Variants in SMARCA2 observed in about 807,000 individuals in gnomAD.
SMARCA2 encodes SWI/SNF related BAF chromatin remodeling complex subunit ATPase 2.
In SMARCA2, 61 loss-of-function variants were observed where a neutral mutation model predicts 199.8. That is an observed-to-expected ratio of 0.31 (90% CI 0.25 to 0.38). SMARCA2 has a LOEUF of 0.38. Among genes scored for constraint, SMARCA2 ranks in the 10% least tolerant of loss-of-function variants. The pLI, the probability that SMARCA2 is intolerant of heterozygous loss-of-function variation, is 1.00. For synonymous variants in SMARCA2, 935 were observed against 732.0 expected, an observed-to-expected ratio of 1.28 and a Z score of -4.48; for missense variants, 1,344 against 2,012.2, an observed-to-expected ratio of 0.67 and a Z score of 6.35.
chr9:2,083,451 CA>C, intron 16 of SMARCA2, 38 bp downstream of exon 16: 1 of 1,301,528 alleles, frequency 7.7e-7, no homozygotes, highest in Non-Finnish European at 1.1e-6. Flanking sequence ...TGTGGAAAAG[CA>C]AAAAATAGAC....
At chr9:2,179,353 TCCTTTTG>T (rs776617939) in intron 29 of SMARCA2, among the ~76,000 whole-genome samples, 1 of 152,214 alleles carries the variant, frequency 6.6e-6, no homozygotes, top group Non-Finnish European at 1.5e-5. Context: ...TTCCAGGTCC[TCCTTTTG>T]CCTTTGTCCT....
chr9:2,103,693 G>C (rs1239246388), intron 22 of SMARCA2, among the ~76,000 whole-genome samples: 2 of 150,614 alleles, frequency 1.3e-5, no homozygotes, highest in Non-Finnish European at 2.9e-5. Flanking sequence ...AGAGGGCGAG[G>C]AGAAAGAATA....
intron 33 of SMARCA2, 126 bp downstream of exon 33, chr9:2,191,534 G>A (rs1827885064): frequency 2.9e-6 from 3 of 1,046,538 alleles, no homozygotes; most frequent in Admixed American, 2.2e-5. Context: ...AGGATTTAGT[G>A]AGATTTCATT....
chr9:2,128,856 G>A (rs1436545387), intron 27 of SMARCA2, among the ~76,000 whole-genome samples: 1 of 152,106 alleles, frequency 6.6e-6, no homozygotes, highest in Non-Finnish European at 1.5e-5. Flanking sequence ...GGGGAGTATT[G>A]CATTTCAACC....
intron 5 of SMARCA2, among the ~76,000 whole-genome samples, chr9:2,053,875 A>G (rs1410984357): frequency 6.6e-6 from 1 of 152,224 alleles, no homozygotes; most frequent in East Asian, 1.9e-4. Flanking sequence ...GAAGAAGTAC[A>G]TGCAGTTATA....
At chr9:2,184,310 T>A (rs988249963) in intron 31 of SMARCA2, among the ~76,000 whole-genome samples, 4 of 152,084 alleles carry the variant, frequency 2.6e-5, no homozygotes, top group South Asian at 2.1e-4. Flanking sequence ...GTGTACCTTT[T>A]ACTTCTCAAG....
chr9:2,161,980 T>C lies in SMARCA2; in HGVS notation c.4199+77T>C. 8.4e-7 allele frequency: 1 copy of C among 1,185,856 alleles called. No homozygotes were observed. The highest frequency in any genetic ancestry group is 1.2e-6 in the Non-Finnish European group (1 of 822,502). 73.5% of individuals were successfully genotyped at this position (1,185,856 alleles called of 1,614,324 possible). A position where few individuals can be genotyped will look rare whatever the true frequency, so the allele number is the denominator to read the frequency against. The stretch of plus-strand genomic sequence containing the variant: ...GCGCTCCCTGAGGAGCAGGAGTTGT[T>C]AAGTTGTGCACTTAGGTTTTATTAA... On this transcript the variant is annotated intron_variant, in intron 28 of 33. Coordinates refer to ENST00000349721, the MANE Select transcript of SMARCA2 (RefSeq NM_003070.5). The surrounding 1 kb of genome is among the most constrained non-coding windows in gnomAD (Gnocchi z 4.7).
intron 27 of SMARCA2, among the ~76,000 whole-genome samples, chr9:2,141,669 C>T (rs775693818): frequency 4.1e-4 from 62 of 151,988 alleles, no homozygotes; most frequent in South Asian, 1.9e-3. Flanking sequence ...TTTCTCTGGC[C>T]TATTTTTATT....
At chr9:2,131,499 G>A (rs113600308) in intron 27 of SMARCA2, among the ~76,000 whole-genome samples, 19 of 152,278 alleles carry the variant, frequency 1.2e-4, no homozygotes, top group African/African-American at 4.6e-4. Context: ...AGTTTTAGAA[G>A]CCATAGAATT....
At chr9:2,120,148 A>G (rs1293870503) in intron 26 of SMARCA2, among the ~76,000 whole-genome samples, 1 of 152,238 alleles carries the variant, frequency 6.6e-6, no homozygotes, top group African/African-American at 2.4e-5. Flanking sequence ...TTAAGGATCA[A>G]AATCAGTTGG....
At chr9:2,030,818 T>G (rs1211277527) in intron 2 of SMARCA2, among the ~76,000 whole-genome samples, 3 of 152,160 alleles carry the variant, frequency 2.0e-5, no homozygotes, top group African/African-American at 7.2e-5. Context: ...GAGCAAGTCT[T>G]TCCTCCAGTT....
At chr9:2,154,786 A>C (rs1470426176) in intron 27 of SMARCA2, among the ~76,000 whole-genome samples, 1 of 152,240 alleles carries the variant, frequency 6.6e-6, no homozygotes. Flanking sequence ...CTTTGTGAGC[A>C]TTAAAACTAT....
At chr9:2,106,905 TA>T (rs1822777532) in intron 23 of SMARCA2, among the ~76,000 whole-genome samples, 1 of 152,258 alleles carries the variant, frequency 6.6e-6, no homozygotes, top group South Asian at 2.1e-4. Flanking sequence ...TTCCTTCTGG[TA>T]AATTCTGTAA....
intron 26 of SMARCA2, among the ~76,000 whole-genome samples, chr9:2,122,675 T>C (rs1823518225): frequency 6.6e-6 from 1 of 152,238 alleles, no homozygotes; most frequent in Non-Finnish European, 1.5e-5. Context: ...TGCGTAGATA[T>C]TTCATTTACA....
chr9:2,049,041 A>T (rs1820005070), intron 5 of SMARCA2, among the ~76,000 whole-genome samples: 1 of 152,214 alleles, frequency 6.6e-6, no homozygotes, highest in Non-Finnish European at 1.5e-5. Flanking sequence ...CTAGGAAAGG[A>T]AAAAGCTCTG....
Position 2,161,870 on chromosome 9 carries a change from C to G in SMARCA2, c.4166C>G (p.Ala1389Gly), listed in dbSNP as rs775559354. 6.2e-7 allele frequency: 1 copy of G among 1,614,080 alleles called. No homozygotes were observed. The highest frequency in any genetic ancestry group is 1.3e-5 in the African/African-American group (1 of 75,058). Residue 1389 changes from alanine to glycine, a missense_variant, in exon 28 of 34, where the codon GCT becomes GGT. By Grantham distance (60) the Ala-to-Gly change is moderately conservative (BLOSUM62 0). Around this residue, in one of 18 missense-constraint regions of SMARCA2, gnomAD observed 151 missense variants for 154.0 expected, o/e 0.98. Transcript: ENST00000349721. This position sits in a 1 kb window ranked among gnomAD's most constrained non-coding sequence, Gnocchi z 4.7. ...NPPKLTKQMN[A>G]IIDTVINYKD... ...CCCAAACTGACAAAGCAGATGAACG[C>G]TATCATCGATACTGTGATAAACTAC...
chr9:2,080,991 T>C (rs184372018), intron 14 of SMARCA2, among the ~76,000 whole-genome samples: 4 of 152,378 alleles, frequency 2.6e-5, no homozygotes, highest in African/African-American at 9.6e-5. Context: ...AATAAACTAA[T>C]TGCTTGCTTT....
chr9:2,172,119 G>C (rs1826280843), intron 29 of SMARCA2, among the ~76,000 whole-genome samples: 1 of 152,140 alleles, frequency 6.6e-6, no homozygotes, highest in African/African-American at 2.4e-5. Flanking sequence ...CCATAAGCCT[G>C]AGCTGACAAC....
At chr9:2,192,645 T>TA in intron 33 of SMARCA2, 59 bp from the exon 34 acceptor site, 5 of 1,182,952 alleles carry the variant, frequency 4.2e-6, no homozygotes, top group Non-Finnish European at 6.4e-6. Flanking sequence ...TTTGTTGTTA[T>TA]ATCTTCTTTT....
Sources: allele counts gnomAD v4.1 joint callset (sites outside exome capture counted in the v4.1 genomes callset), GRCh38; gene constraint gnomAD v4.1.1; regional missense constraint gnomAD v4.1.1; non-coding constraint Gnocchi (gnomAD v3.1); transcripts MANE v1.5; gene names NCBI Gene and HGNC (gene_info 2026-07-23, HGNC 2026-07-21).